The following WDR7 variants were observed in gnomAD, a reference collection of about 807,000 sequenced individuals.
WDR7 encodes WD repeat-containing protein 7.
A neutral mutation model predicts 169.4 loss-of-function variants in WDR7; 46 were observed. The ratio of observed to expected loss-of-function variants is 0.27; its 90% CI spans 0.21 to 0.35. The LOEUF (loss-of-function observed/expected upper bound fraction) is 0.35, where lower values mean the gene tolerates loss of function less well. WDR7 is among the 10% of genes least tolerant of loss of function. The pLI is 1.00. For synonymous variants in WDR7, 612 were observed against 666.8 expected, an observed-to-expected ratio of 0.92 and a Z score of 1.27; for missense variants, 1,534 against 1,859.3, an observed-to-expected ratio of 0.83 and a Z score of 3.22.
chr18:56,704,067 G>A (rs1237374492), intron 12 of WDR7, among the ~76,000 whole-genome samples: 1 of 152,064 alleles, frequency 6.6e-6, no homozygotes, highest in Non-Finnish European at 1.5e-5. Flanking sequence ...TAATTTTCTA[G>A]TCTTGAAAGC....
chr18:56,820,136 C>T (rs1030167900), intron 20 of WDR7, among the ~76,000 whole-genome samples: 2 of 151,672 alleles, frequency 1.3e-5, no homozygotes, highest in African/African-American at 4.8e-5. Flanking sequence ...CCTCTAAATA[C>T]TGCATCTAAA....
At chr18:56,676,509 G>T (rs975271019) in intron 2 of WDR7, among the ~76,000 whole-genome samples, 1 of 151,988 alleles carries the variant, frequency 6.6e-6, no homozygotes, top group East Asian at 1.9e-4. Flanking sequence ...CAGGTGATAC[G>T]ATTTATTTTC....
At chr18:56,663,195 A>T (rs576261031) in intron 1 of WDR7, among the ~76,000 whole-genome samples, 1 of 152,364 alleles carries the variant, frequency 6.6e-6, no homozygotes, top group African/African-American at 2.4e-5. Context: ...ACCTTCTCAC[A>T]GGCCTGACCT....
rs1172321965 is a variant in WDR7 at position 56,923,981 on chromosome 18, A to T, written c.3586A>T (p.Thr1196Ser). Reference sequence around the variant, plus strand: ...AAGCCCCAAACTTCCTCCACACAGCACTATCCGAAGAACAGCCATTGATCT... The same window carrying T: ...AAGCCCCAAACTTCCTCCACACAGCTCTATCCGAAGAACAGCCATTGATCT... The part of the protein sequence containing the change: ...PPSPKLPPHS[T>S]IRRTAIDLIG... Residue 1196 changes from threonine (T) to serine (S), a missense_variant, in exon 22 of 28, where the codon ACT (threonine) becomes TCT (serine). Thr to Ser is a moderately conservative substitution (Grantham distance 58). Transcript: ENST00000254442. The T allele has an allele frequency of 7.4e-6, 12 of 1,611,064 alleles. No individual in the cohort carries two copies. The highest frequency in any genetic ancestry group is 1.0e-5 in the Non-Finnish European group (12 of 1,179,090).
chr18:56,884,703 T>C (rs1340847287), intron 21 of WDR7, among the ~76,000 whole-genome samples: 3 of 152,142 alleles, frequency 2.0e-5, no homozygotes, highest in African/African-American at 7.2e-5. Flanking sequence ...GGTCTTTCTC[T>C]ACCTGCCCTG....
intron 20 of WDR7, among the ~76,000 whole-genome samples, chr18:56,831,718 CA>C (rs1298128265): frequency 3.3e-5 from 5 of 152,036 alleles, no homozygotes; most frequent in African/African-American, 1.2e-4. Flanking sequence ...TCGTCTCACC[CA>C]GGAAACACAA....
At chr18:56,715,105 C>T (rs1367072345) in intron 12 of WDR7, among the ~76,000 whole-genome samples, 3 of 152,080 alleles carry the variant, frequency 2.0e-5, no homozygotes, top group Non-Finnish European at 2.9e-5. Context: ...GGAAACTTCT[C>T]ATGAGGGGTT....
intron 22 of WDR7, among the ~76,000 whole-genome samples, chr18:56,932,874 GGTGTGTGTGT>G (rs34838445): frequency 4.5e-5 from 6 of 131,922 alleles, no homozygotes; most frequent in African/African-American, 2.3e-4. Context: ...CTTCATTCTG[GGTGTGTGTGT>G]GTGTGTGTGT....
At chr18:56,730,746 A>G (rs1364732443) in intron 13 of WDR7, among the ~76,000 whole-genome samples, 1 of 152,174 alleles carries the variant, frequency 6.6e-6, no homozygotes, top group Non-Finnish European at 1.5e-5. Context: ...AGCCTGGGCG[A>G]CAGAGCGAGA....
At chr18:56,763,024 G>A (rs1305429293) in intron 16 of WDR7, among the ~76,000 whole-genome samples, 2 of 151,620 alleles carry the variant, frequency 1.3e-5, no homozygotes, top group South Asian at 2.1e-4. Flanking sequence ...GCAGTGGCGC[G>A]ATCTCAGCTC....
At chr18:56,926,357 G>A (rs752835927) in intron 22 of WDR7, among the ~76,000 whole-genome samples, 7 of 152,146 alleles carry the variant, frequency 4.6e-5, no homozygotes, top group Admixed American at 2.6e-4. Context: ...GGTTTGTCTT[G>A]AGAAACATTC....
chr18:56,678,519 C>T (rs934306081), intron 2 of WDR7, among the ~76,000 whole-genome samples: 22 of 149,076 alleles, frequency 1.5e-4, no homozygotes, highest in African/African-American at 2.7e-4. Flanking sequence ...TTTTTTGAGA[C>T]GGAGTCTCAC....
chr18:56,954,497 A>G (rs1435498540), intron 25 of WDR7, among the ~76,000 whole-genome samples: 1 of 152,166 alleles, frequency 6.6e-6, no homozygotes, highest in East Asian at 1.9e-4. Context: ...TCATTTTTAA[A>G]AAAGAAAACT....
intron 1 of WDR7, among the ~76,000 whole-genome samples, chr18:56,660,761 A>G (rs1056289106): frequency 6.6e-6 from 1 of 152,164 alleles, no homozygotes; most frequent in Non-Finnish European, 1.5e-5. Context: ...GTAAAGAAGT[A>G]TTTATTTCAA....
intron 21 of WDR7, among the ~76,000 whole-genome samples, chr18:56,911,407 C>T (rs1041446425): frequency 1.1e-4 from 16 of 152,142 alleles, no homozygotes; most frequent in Admixed American, 9.8e-4. Context: ...TTTGTTTGCT[C>T]ATCTTTTTTC....
chr18:56,669,056 A>G (rs1259046204), intron 1 of WDR7, among the ~76,000 whole-genome samples: 1 of 152,164 alleles, frequency 6.6e-6, no homozygotes, highest in Non-Finnish European at 1.5e-5. Flanking sequence ...TGAGACCTAG[A>G]GAGATAACTT....
chr18:56,734,314 C>A (rs1305937884), intron 14 of WDR7, among the ~76,000 whole-genome samples: 1 of 152,036 alleles, frequency 6.6e-6, no homozygotes, highest in African/African-American at 2.4e-5. Flanking sequence ...TCATTTGTGA[C>A]AGATTGACAT....
intron 19 of WDR7, among the ~76,000 whole-genome samples, chr18:56,792,788 ACACAGACACACATG>A (rs1033877578): frequency 2.0e-5 from 3 of 151,650 alleles, no homozygotes; most frequent in African/African-American, 7.3e-5. Flanking sequence ...ACACACACAC[ACACAGACACACATG>A]CACACATACC....
intron 3 of WDR7, among the ~76,000 whole-genome samples, chr18:56,680,139 G>A (rs985775516): frequency 3.9e-5 from 6 of 152,070 alleles, no homozygotes; most frequent in Non-Finnish European, 7.4e-5. Flanking sequence ...GGCGGATCAC[G>A]TGAGCACAGG....
Sources: allele counts gnomAD v4.1 joint callset (sites outside exome capture counted in the v4.1 genomes callset), GRCh38; gene constraint gnomAD v4.1.1; transcripts MANE v1.5; gene names NCBI Gene and HGNC (gene_info 2026-07-23, HGNC 2026-07-21).